GABBR2: variants seen among roughly 807,000 people sequenced by gnomAD.
GABBR2 encodes gamma-aminobutyric acid type B receptor subunit 2, also known as G-protein coupled receptor 51.
GABBR2 carries 23 observed loss-of-function variants against 105.6 expected under a neutral mutation model. The observed-to-expected ratio is 0.22, with a 90% confidence interval of 0.16 to 0.31. The LOEUF is 0.31. Among genes scored for constraint, GABBR2 ranks in the 10% least tolerant of loss-of-function variants. The probability of loss-of-function intolerance (pLI) is 1.00; values close to 1 mark genes in which losing one functional copy is unlikely to be tolerated. For synonymous variants in GABBR2, 478 were observed against 499.7 expected (o/e 0.96, Z 0.58); for missense variants, 734 against 1,245.5 (o/e 0.59, Z 6.18).
intron 1 of GABBR2, among the ~76,000 whole-genome samples, chr9:98,658,955 A>G (rs1342318988): frequency 6.6e-6 from 1 of 152,236 alleles, no homozygotes; most frequent in Non-Finnish European, 1.5e-5. Flanking sequence ...CTTTTCTTCC[A>G]TGTACTCAAA....
intron 12 of GABBR2, among the ~76,000 whole-genome samples, chr9:98,364,756 A>C (rs1313254810): frequency 6.6e-6 from 1 of 152,054 alleles, no homozygotes; most frequent in Non-Finnish European, 1.5e-5. Flanking sequence ...ATGTGCCACT[A>C]CACCCAGCTA....
intron 14 of GABBR2, among the ~76,000 whole-genome samples, chr9:98,308,182 A>T (rs545543248): frequency 6.6e-6 from 1 of 152,146 alleles, no homozygotes; most frequent in Non-Finnish European, 1.5e-5. Flanking sequence ...TGCAGTGAGC[A>T]GAGATCCTAT....
At chr9:98,508,484 C>T (rs13295021) in intron 3 of GABBR2, among the ~76,000 whole-genome samples, 52,630 of 152,174 alleles carry the variant, frequency 0.35, 9,369 homozygotes, top group Middle Eastern at 0.5. Flanking sequence ...ACCAGGGAAG[C>T]GCAAGGAGTC....
chr9:98,654,794 T>G (rs1396939140), intron 1 of GABBR2, among the ~76,000 whole-genome samples: 1 of 152,212 alleles, frequency 6.6e-6, no homozygotes, highest in Non-Finnish European at 1.5e-5. Flanking sequence ...AAAACCCACA[T>G]ACGGATATTT....
chr9:98,670,815 C>G (rs532520018), intron 1 of GABBR2, among the ~76,000 whole-genome samples: 1 of 152,124 alleles, frequency 6.6e-6, no homozygotes, highest in South Asian at 2.1e-4. Flanking sequence ...ATGGTGGTTG[C>G]CAAGACTAGA....
intron 13 of GABBR2, among the ~76,000 whole-genome samples, chr9:98,345,265 T>C (rs1188802661): frequency 6.6e-6 from 1 of 152,352 alleles, no homozygotes; most frequent in East Asian, 1.9e-4. Context: ...GTTCTCACCG[T>C]GCAGCCAGGG....
At chr9:98,523,958 A>G (rs949843967) in intron 3 of GABBR2, among the ~76,000 whole-genome samples, 8 of 151,812 alleles carry the variant, frequency 5.3e-5, no homozygotes, top group African/African-American at 1.2e-4. Flanking sequence ...GAAGCAAACT[A>G]TCTAATCAAG....
rs535179275 is a variant in GABBR2 at position 98,623,540 on chromosome 9, A to T, written c.322-45468T>A. On this transcript the variant is annotated intron_variant, in intron 1 of 18. Coordinates refer to ENST00000259455, the MANE Select transcript of GABBR2 (RefSeq NM_005458.8). ...CTCACTGGGCTAAAATCCAGTTGTCAGCAGGGCAGCATTCCTTCTACAGCC... is the reference window on the plus strand; with the variant it reads ...CTCACTGGGCTAAAATCCAGTTGTCTGCAGGGCAGCATTCCTTCTACAGCC... Among the ~76,000 whole-genome samples, 8 of 152,388 alleles carry T rather than the reference A, an allele frequency of 5.2e-5. No individual in the cohort carries two copies. In the South Asian group the frequency reaches 1.7e-3, roughly 32 times the overall value.
At chr9:98,514,964 C>A (rs561878735) in intron 3 of GABBR2, among the ~76,000 whole-genome samples, 1 of 152,020 alleles carries the variant, frequency 6.6e-6, no homozygotes, top group Non-Finnish European at 1.5e-5. Flanking sequence ...AGGGGACTGG[C>A]GTGGCACCTG....
chr9:98,327,427 A>G (rs1197772664), intron 13 of GABBR2, among the ~76,000 whole-genome samples: 1 of 152,078 alleles, frequency 6.6e-6, no homozygotes, highest in African/African-American at 2.4e-5. Context: ...TAGAATAGGT[A>G]GGTATAAATA....
Position 98,416,315 on chromosome 9 carries a change from TC to T in GABBR2, c.1237-10175del, listed in dbSNP as rs1564059593. On this transcript the variant is annotated intron_variant, in intron 7 of 18. Coordinates refer to ENST00000259455, the MANE Select transcript of GABBR2 (RefSeq NM_005458.8). ...CCTGCACAACTGGGTGATAATCTCT[TC>T]CCAGAAACAAGCGAGGAGGCCACAA... Among the ~76,000 whole-genome samples the T allele has an allele frequency of 2.6e-5, 4 of 152,280 alleles. No homozygotes were observed. In the South Asian group the frequency reaches 8.3e-4, roughly 32 times the overall value.
At chr9:98,608,955 T>C (rs957667512) in intron 1 of GABBR2, among the ~76,000 whole-genome samples, 1 of 152,176 alleles carries the variant, frequency 6.6e-6, no homozygotes, top group African/African-American at 2.4e-5. Flanking sequence ...CTAGGCAAAA[T>C]TGTGAAGCTA....
intron 1 of GABBR2, among the ~76,000 whole-genome samples, chr9:98,684,768 C>T (rs904853134): frequency 7.2e-5 from 11 of 152,116 alleles, no homozygotes; most frequent in Non-Finnish European, 1.2e-4. Context: ...CAAACTTTAC[C>T]CCGTCCAAAG....
chr9:98,451,524 C>T (rs1826229015), intron 7 of GABBR2, among the ~76,000 whole-genome samples: 1 of 142,156 alleles, frequency 7.0e-6, no homozygotes, highest in Non-Finnish European at 1.6e-5. Flanking sequence ...ACCCAAGTGC[C>T]TCCCCACTGC....
intron 1 of GABBR2, among the ~76,000 whole-genome samples, chr9:98,638,047 C>G (rs1375330726): frequency 1.3e-5 from 2 of 152,176 alleles, no homozygotes; most frequent in African/African-American, 4.8e-5. Flanking sequence ...AAATAACCTG[C>G]CCGGGGTCAT....
intron 7 of GABBR2, among the ~76,000 whole-genome samples, chr9:98,452,568 T>C (rs1424142613): frequency 1.3e-5 from 2 of 152,232 alleles, no homozygotes; most frequent in Admixed American, 1.3e-4. Flanking sequence ...GGTGTAATCA[T>C]TATTAACAGT....
At chr9:98,682,622 C>T (rs1418296976) in intron 1 of GABBR2, among the ~76,000 whole-genome samples, 3 of 151,956 alleles carry the variant, frequency 2.0e-5, no homozygotes, top group Non-Finnish European at 4.4e-5. Flanking sequence ...GTGATCCACC[C>T]ACCTCAGCCT....
At chr9:98,376,142 G>T (rs577359170) in intron 11 of GABBR2, among the ~76,000 whole-genome samples, 47 of 152,196 alleles carry the variant, frequency 3.1e-4, no homozygotes, top group Admixed American at 5.9e-4. Flanking sequence ...AAAGGAAAAA[G>T]AAATGAGAGC....
chr9:98,511,461 C>A (rs1401741624), intron 3 of GABBR2, among the ~76,000 whole-genome samples: 2 of 21,036 alleles, frequency 9.5e-5, no homozygotes, highest in Non-Finnish European at 1.9e-4. Flanking sequence ...ATTAATGAAT[C>A]CAGGAGCTGG....
Sources: gnomAD v4.1 joint callset for allele counts (sites outside exome capture counted in the v4.1 genomes callset) on GRCh38, gnomAD v4.1.1 for gene constraint, MANE v1.5 for transcripts, NCBI Gene and HGNC (gene_info 2026-07-23, HGNC 2026-07-21) for gene names.